Variants in ARL15 observed in about 807,000 individuals in gnomAD.
The protein encoded by ARL15 is ADP-ribosylation factor-like protein 15.
In ARL15, 19 loss-of-function variants were observed where a neutral mutation model predicts 25.2. That is an observed-to-expected ratio of 0.75 (90% CI 0.53 to 1.10). ARL15 has a LOEUF of 1.10. ARL15 is among the 50% of genes least tolerant of loss of function. ARL15 has a pLI of 0.00. For missense variants in ARL15, 220 were observed against 246.0 expected (o/e 0.89, Z 0.71); for synonymous variants, 94 against 86.8 (o/e 1.08, Z -0.46).
chr5:54,015,025 G>T (rs1019595585), intron 4 of ARL15, among the ~76,000 whole-genome samples: 27 of 152,018 alleles, frequency 1.8e-4, no homozygotes, highest in African/African-American at 6.3e-4. Context: ...AGGCGCGGTG[G>T]CTCACACCTA....
chr5:53,993,422 AC>A (rs1220580154), intron 4 of ARL15, among the ~76,000 whole-genome samples: 28 of 152,190 alleles, frequency 1.8e-4, no homozygotes, highest in Admixed American at 1.8e-3. Flanking sequence ...AGCCTGGGCA[AC>A]ATAGGAGACC....
At chr5:54,081,023 T>C (rs561460321) in intron 4 of ARL15, among the ~76,000 whole-genome samples, 1 of 152,238 alleles carries the variant, frequency 6.6e-6, no homozygotes. Flanking sequence ...CCCTATCAAA[T>C]GAGGATCTTA....
intron 2 of ARL15, among the ~76,000 whole-genome samples, chr5:54,156,487 G>A (rs924892099): frequency 2.0e-5 from 3 of 152,118 alleles, no homozygotes; most frequent in Non-Finnish European, 2.9e-5. Context: ...ATGCTTTTTC[G>A]TTGATGATTC....
At chr5:54,237,112 G>A (rs910769292) in intron 1 of ARL15, among the ~76,000 whole-genome samples, 1 of 152,222 alleles carries the variant, frequency 6.6e-6, no homozygotes, top group African/African-American at 2.4e-5. Context: ...GGACCTGGTG[G>A]GAGGTAATTG....
At chr5:54,090,776 G>T (rs976028931) in intron 4 of ARL15, among the ~76,000 whole-genome samples, 1 of 152,142 alleles carries the variant, frequency 6.6e-6, no homozygotes, top group Non-Finnish European at 1.5e-5. Flanking sequence ...AAAGAAGCTT[G>T]CCATGGGACT....
At chr5:54,136,547 A>T (rs952912682) in intron 3 of ARL15, among the ~76,000 whole-genome samples, 4 of 152,182 alleles carry the variant, frequency 2.6e-5, no homozygotes, top group African/African-American at 9.7e-5. Context: ...ATTCACGCAA[A>T]CTGATCTTTT....
At chr5:54,158,958 A>T (rs1403225445) in intron 2 of ARL15, among the ~76,000 whole-genome samples, 1 of 152,172 alleles carries the variant, frequency 6.6e-6, no homozygotes, top group African/African-American at 2.4e-5. Flanking sequence ...TCTCCTCCAT[A>T]TACCAACAAA....
At chr5:54,017,787 C>A (rs1481760600) in intron 4 of ARL15, among the ~76,000 whole-genome samples, 2 of 152,024 alleles carry the variant, frequency 1.3e-5, no homozygotes, top group Non-Finnish European at 2.9e-5. Flanking sequence ...ACCCCCAGAG[C>A]CTCTTGTTCT....
In ARL15 at chr5:54,151,865, G is replaced by A. The variant is rs184714504; in HGVS notation, c.253+2715C>T. On this transcript the variant is annotated intron_variant, in intron 3 of 4. Coordinates refer to ENST00000504924, the MANE Select transcript of ARL15 (RefSeq NM_019087.3). ...TGAAGAAGTGAGAATTTTAACTTAAGACTGGGAAAGAGTGAAGAAGAGCCT... is the reference window on the plus strand; with the variant it reads ...TGAAGAAGTGAGAATTTTAACTTAAAACTGGGAAAGAGTGAAGAAGAGCCT... Among the ~76,000 whole-genome samples, 565 of 152,194 alleles carry A rather than the reference G, an allele frequency of 3.7e-3. 5 individuals carry two copies. The highest frequency in any genetic ancestry group is 5.4e-3 in the Non-Finnish European group (366 of 68,012).
rs186005522 is a variant in ARL15, at chr5:54,231,878, C to T, written c.49-59950G>A. On this transcript the variant is annotated intron_variant, in intron 1 of 4. Coordinates refer to ENST00000504924, the MANE Select transcript of ARL15 (RefSeq NM_019087.3). ...AACCCTAATTCCCTCCATATAGACC[C>T]TATCTCCAAACGTAGTCACTGGGGG... 1.0e-3 allele frequency among the ~76,000 whole-genome samples: 159 copies of T among 152,224 alleles called. 1 individual carries two copies. The highest frequency in any genetic ancestry group is 3.6e-3 in the African/African-American group (150 of 41,530).
chr5:54,301,254 A>C (rs948550816), intron 1 of ARL15, among the ~76,000 whole-genome samples: 1 of 151,208 alleles, frequency 6.6e-6, no homozygotes, highest in Non-Finnish European at 1.5e-5. Flanking sequence ...TTCACTCAAC[A>C]TTTTTTTTTA....
At chr5:54,129,620 C>A (rs572657597) in intron 3 of ARL15, among the ~76,000 whole-genome samples, 1 of 152,294 alleles carries the variant, frequency 6.6e-6, no homozygotes, top group East Asian at 1.9e-4. Flanking sequence ...CCCAATAGTA[C>A]TGTAGGGTTT....
At chr5:53,965,379 T>C (rs1469403344) in intron 4 of ARL15, among the ~76,000 whole-genome samples, 1 of 152,212 alleles carries the variant, frequency 6.6e-6, no homozygotes, top group East Asian at 1.9e-4. Flanking sequence ...TAGTAAAAGA[T>C]TAAATAAAGA....
intron 1 of ARL15, among the ~76,000 whole-genome samples, chr5:54,298,547 C>A (rs1443985530): frequency 6.6e-6 from 1 of 152,192 alleles, no homozygotes; most frequent in Non-Finnish European, 1.5e-5. Flanking sequence ...ACCCCCCAAC[C>A]TTCCTGCCCC....
intron 1 of ARL15, among the ~76,000 whole-genome samples, chr5:54,254,213 T>C (rs1297747418): frequency 6.6e-6 from 1 of 152,196 alleles, no homozygotes; most frequent in Admixed American, 6.5e-5. Flanking sequence ...ATAATGAAGA[T>C]CCTTTGTCAA....
intron 3 of ARL15, among the ~76,000 whole-genome samples, chr5:54,148,406 C>A (rs1753972017): frequency 6.6e-6 from 1 of 152,166 alleles, no homozygotes; most frequent in African/African-American, 2.4e-5. Context: ...AAAAAAATGG[C>A]TTAGCTGACA....
At chr5:54,061,562 C>T (rs1416973972) in intron 4 of ARL15, among the ~76,000 whole-genome samples, 3 of 152,036 alleles carry the variant, frequency 2.0e-5, no homozygotes, top group African/African-American at 7.2e-5. Context: ...GTGAACTCCA[C>T]TGAACTCTAG....
intron 1 of ARL15, among the ~76,000 whole-genome samples, chr5:54,285,024 T>G (rs918993559): frequency 6.6e-6 from 1 of 152,166 alleles, no homozygotes; most frequent in Non-Finnish European, 1.5e-5. Context: ...CCATGAGACA[T>G]AAGGCATAAC....
At chr5:54,121,581 T>A (rs746065565) in intron 3 of ARL15, among the ~76,000 whole-genome samples, 2 of 152,158 alleles carry the variant, frequency 1.3e-5, no homozygotes, top group Non-Finnish European at 2.9e-5. Context: ...ATCAAGTATG[T>A]TCTAAAACTT....
Sources: gnomAD v4.1 joint callset for allele counts (sites outside exome capture counted in the v4.1 genomes callset) on GRCh38, gnomAD v4.1.1 for gene constraint, MANE v1.5 for transcripts, NCBI Gene and HGNC (gene_info 2026-07-23, HGNC 2026-07-21) for gene names.